The following CCN4 variants were observed in gnomAD, a reference collection of about 807,000 sequenced individuals.
CCN4 encodes the protein CCN family member 4.
A neutral mutation model predicts 36.7 loss-of-function variants in CCN4; 30 were observed. The ratio of observed to expected loss-of-function variants is 0.82; its 90% CI spans 0.61 to 1.11. The LOEUF is 1.11. Among genes scored for constraint, CCN4 ranks in the 50% least tolerant of loss-of-function variants. The probability of loss-of-function intolerance (pLI) is 0.00; values close to 1 mark genes in which losing one functional copy is unlikely to be tolerated. For synonymous variants in CCN4, 191 were observed against 195.4 expected (o/e 0.98, Z 0.19); for missense variants, 505 against 504.9 (o/e 1.00, Z 0.00).
rs146930369 is a variant in CCN4 at position 133,207,590 on chromosome 8, C to A, written c.70-5274C>A. Among the ~76,000 whole-genome samples the A allele has an allele frequency of 6.3e-3, 964 of 152,344 alleles. 6 individuals are homozygous for A. Among genetic ancestry groups the A allele is most frequent in the Non-Finnish European group, 0.011 (757 of 68,036 alleles). Reference sequence around the variant, plus strand: ...ACTACCTGACCTGTGTGGCCTTGCACAAGACATTAACCTCTCTGTGCCTCT... The same window carrying A: ...ACTACCTGACCTGTGTGGCCTTGCAAAAGACATTAACCTCTCTGTGCCTCT... On this transcript the variant is annotated intron_variant, in intron 1 of 4. Transcript: ENST00000250160.
At chr8:133,201,657 C>T (rs923167745) in intron 1 of CCN4, among the ~76,000 whole-genome samples, 1 of 152,090 alleles carries the variant, frequency 6.6e-6, no homozygotes, top group African/African-American at 2.4e-5. Flanking sequence ...GCTTGGCCAA[C>T]ATGGTGAAAC....
chr8:133,220,865 G>A, intron 3 of CCN4, 24 bp downstream of exon 3: 1 of 1,583,396 alleles, frequency 6.3e-7, no homozygotes, highest in Non-Finnish European at 8.6e-7. Flanking sequence ...CGAGTGGGCT[G>A]GGGGTGGGAC....
chr8:133,195,999 G>A (rs1028895841), intron 1 of CCN4, among the ~76,000 whole-genome samples: 5 of 152,242 alleles, frequency 3.3e-5, no homozygotes, highest in African/African-American at 1.2e-4. Context: ...GGGCTGAGAA[G>A]GGTGCCAACC....
chr8:133,213,679 T>G (rs1483502629), intron 2 of CCN4, among the ~76,000 whole-genome samples: 1 of 148,262 alleles, frequency 6.7e-6, no homozygotes, highest in African/African-American at 2.5e-5. Context: ...AAATATAATA[T>G]AGTATATTAT....
At chr8:133,225,765 TTCAG>T (rs1854712018) in intron 4 of CCN4, among the ~76,000 whole-genome samples, 182 bp downstream of exon 4, 1 of 152,152 alleles carries the variant, frequency 6.6e-6, no homozygotes, top group African/African-American at 2.4e-5. Context: ...CATTGTGAAT[TTCAG>T]TCAATGGAAG....
At position 133,200,686 on chromosome 8, in the gene CCN4, A is replaced by G. The variant is rs571577879; in HGVS notation, c.69+9473A>G. Among the ~76,000 whole-genome samples, 13 of 152,270 alleles carry G rather than the reference A, an allele frequency of 8.5e-5. No homozygotes were observed. In the South Asian group the frequency reaches 2.1e-3, roughly 24 times the overall value. On this transcript the variant is annotated intron_variant, in intron 1 of 4. Transcript: ENST00000250160. ...CAACCTTTTTGGGTCTCAGTTTCCC[A>G]TCTGTCAAATTGGGGCCATCAATGC...
At chr8:133,218,349 C>CA (rs1046208955) in intron 2 of CCN4, among the ~76,000 whole-genome samples, 15 of 151,726 alleles carry the variant, frequency 9.9e-5, no homozygotes, top group Admixed American at 4.6e-4. Flanking sequence ...AACCGCACCC[C>CA]AAAAAAAACA....
At chr8:133,215,537 G>A (rs564700312) in intron 2 of CCN4, among the ~76,000 whole-genome samples, 1 of 152,240 alleles carries the variant, frequency 6.6e-6, no homozygotes, top group East Asian at 1.9e-4. Context: ...TAGATGTTCT[G>A]TCATGGATCC....
At chr8:133,197,400 G>C (rs921946922) in intron 1 of CCN4, among the ~76,000 whole-genome samples, 7 of 152,048 alleles carry the variant, frequency 4.6e-5, no homozygotes, top group African/African-American at 1.7e-4. Context: ...ACATGTTCTG[G>C]AACCCTGAAC....
At chr8:133,199,489 G>A (rs1853507893) in intron 1 of CCN4, among the ~76,000 whole-genome samples, 1 of 152,188 alleles carries the variant, frequency 6.6e-6, no homozygotes. Context: ...TTAGAAAGAG[G>A]TTGGGTGTGG....
At chr8:133,196,575 A>G (rs184202848) in intron 1 of CCN4, among the ~76,000 whole-genome samples, 125 of 152,292 alleles carry the variant, frequency 8.2e-4, no homozygotes, top group African/African-American at 2.7e-3. Flanking sequence ...TAAGGCTATG[A>G]TAACAGGTAG....
At chr8:133,202,837 G>A (rs1853637240) in intron 1 of CCN4, among the ~76,000 whole-genome samples, 1 of 152,198 alleles carries the variant, frequency 6.6e-6, no homozygotes, top group Non-Finnish European at 1.5e-5. Context: ...TGCAAGTGCC[G>A]GAGGTGTTGG....
chr8:133,218,738 T>A (rs1444654465), intron 2 of CCN4, among the ~76,000 whole-genome samples: 1 of 152,114 alleles, frequency 6.6e-6, no homozygotes, highest in Non-Finnish European at 1.5e-5. Context: ...GAAGCTGTCC[T>A]CCAGAGAGAG....
chr8:133,213,057 C>T lies in CCN4; in HGVS notation c.263C>T (p.Thr88Met), dbSNP rs1854120495. ...MCAQQLGDNC[T>M]EAAICDPHRG... is the part of the protein sequence containing the mutation. ...GCTCAGCAGCTTGGGGACAACTGCACGGAGGCTGCCATCTGTGACCCCCAC... is the reference window on the plus strand; with the variant it reads ...GCTCAGCAGCTTGGGGACAACTGCATGGAGGCTGCCATCTGTGACCCCCAC... Residue 88 changes from threonine to methionine, a missense_variant, in exon 2 of 5, where the codon ACG becomes ATG. Coordinates refer to ENST00000250160, the MANE Select transcript of CCN4 (RefSeq NM_003882.4). 2 of 1,614,142 alleles carry T rather than the reference C, an allele frequency of 1.2e-6. No individual in the cohort carries two copies. Among genetic ancestry groups the T allele is most frequent in the East Asian group, 2.2e-5 (1 of 44,872 alleles).
intron 1 of CCN4, among the ~76,000 whole-genome samples, chr8:133,201,252 C>T (rs1449832721): frequency 6.6e-6 from 1 of 152,086 alleles, no homozygotes; most frequent in Non-Finnish European, 1.5e-5. Flanking sequence ...AATGAGGAAG[C>T]TAATAATAAC....
In CCN4 at chr8:133,213,113, C is replaced by A. The variant is rs764889338; in HGVS notation, c.319C>A (p.Arg107Ser). ...CCTCTACTGTGACTACAGCGGGGACCGCCCGAGGTACGCAATAGGAGTGTG... is the reference window on the plus strand; with the variant it reads ...CCTCTACTGTGACTACAGCGGGGACAGCCCGAGGTACGCAATAGGAGTGTG... ...RGLYCDYSGD[R>S]PRYAIGVCAQ... The change falls in exon 2 of 5, where the codon CGC becomes AGC. Residue 107 changes from arginine to serine, a missense_variant. Transcript: ENST00000250160. 3 of 1,612,916 alleles carry A rather than the reference C, an allele frequency of 1.9e-6. No individual in the cohort carries two copies. The South Asian group carries it at 3.3e-5, about 18-fold the overall frequency.
intron 4 of CCN4, among the ~76,000 whole-genome samples, chr8:133,227,165 A>C (rs1215803717): frequency 6.6e-6 from 1 of 152,074 alleles, no homozygotes; most frequent in Non-Finnish European, 1.5e-5. Flanking sequence ...ACAAAAGAGA[A>C]ACTGCAGGCT....
At chr8:133,220,917 A>G in intron 3 of CCN4, 76 bp downstream of exon 3, 1 of 1,507,508 alleles carries the variant, frequency 6.6e-7, no homozygotes, top group Admixed American at 2.1e-5. Flanking sequence ...TCTGACCACC[A>G]TAGAATGACT....
At chr8:133,194,753 G>T (rs1264659566) in intron 1 of CCN4, among the ~76,000 whole-genome samples, 203 of 52,148 alleles carry the variant, frequency 3.9e-3, no homozygotes, top group Middle Eastern at 0.013. Context: ...GTGTTTGTGG[G>T]GTATGTGCCT....
Sources: gnomAD v4.1 joint callset for allele counts (sites outside exome capture counted in the v4.1 genomes callset) on GRCh38, gnomAD v4.1.1 for gene constraint, MANE v1.5 for transcripts, NCBI Gene and HGNC (gene_info 2026-07-23, HGNC 2026-07-21) for gene names.